OR4K1: variants seen among roughly 807,000 people sequenced by gnomAD.
OR4K1 encodes the protein olfactory receptor 4K1.
OR4K1 carries 16 observed loss-of-function variants against 14.4 expected under a neutral mutation model. The observed-to-expected ratio is 1.11, with a 90% confidence interval of 0.75 to 1.68. OR4K1 has a LOEUF of 1.68. OR4K1 is among the 40% of genes most tolerant of loss of function. The pLI, the probability that OR4K1 is intolerant of heterozygous loss-of-function variation, is 0.00. For synonymous variants in OR4K1, 181 were observed against 133.1 expected (o/e 1.36, Z -2.48); for missense variants, 548 against 376.9 (o/e 1.45, Z -3.76).
At chr14:19,925,444 A>T in the OR4K1 span, among the ~76,000 whole-genome samples, 1 of 152,278 alleles carries the variant, frequency 6.6e-6, no homozygotes, top group African/African-American at 2.4e-5. Context: ...CAATGAGTTA[A>T]TTAACATATT....
In OR4K1 at chr14:19,936,351, T is replaced by C; in HGVS notation, c.685T>C (p.Ser229Pro). 6.2e-7 allele frequency: 1 copy of C among 1,614,256 alleles called. No homozygotes were observed. The highest frequency in any genetic ancestry group is 8.5e-7 in the Non-Finnish European group (1 of 1,180,046). The change falls in exon 2 of 2, where the codon TCC becomes CCC. Residue 229 changes from serine (S) to proline (P), a missense_variant. By Grantham distance (74) the Ser-to-Pro change is moderately conservative. Coordinates refer to ENST00000641172, the MANE Select transcript of OR4K1 (RefSeq NM_001004063.3). ...TIILIGVRCR[S>P]SSGSSKALST... ...CATTTTGATCGGTGTCCGATGCAGGTCCTCCAGTGGGTCATCTAAGGCTCT... is the reference window on the plus strand; with the variant it reads ...CATTTTGATCGGTGTCCGATGCAGGCCCTCCAGTGGGTCATCTAAGGCTCT...
At chr14:19,933,365 T>C (rs1256166687) in intron 1 of OR4K1, among the ~76,000 whole-genome samples, 1 of 152,340 alleles carries the variant, frequency 6.6e-6, no homozygotes, top group East Asian at 1.9e-4. Flanking sequence ...TCTTTTTAAA[T>C]TCATAACTAT....
chr14:19,934,784 C>A (rs1882266757), intron 1 of OR4K1, among the ~76,000 whole-genome samples: 1 of 152,164 alleles, frequency 6.6e-6, no homozygotes, highest in Non-Finnish European at 1.5e-5. Flanking sequence ...AATTCTCCTG[C>A]CTCAGCCTCC....
At chr14:19,932,691 T>C (rs1401251739) in intron 1 of OR4K1, among the ~76,000 whole-genome samples, 1 of 152,226 alleles carries the variant, frequency 6.6e-6, no homozygotes, top group East Asian at 1.9e-4. Context: ...TTACTAGTAG[T>C]ATAAACTTGG....
the OR4K1 span, among the ~76,000 whole-genome samples, chr14:19,924,930 T>A: frequency 6.6e-6 from 1 of 152,122 alleles, no homozygotes; most frequent in Admixed American, 6.5e-5. Context: ...TACTGTAGAA[T>A]CCCACCTTAA....
Position 19,936,415 on chromosome 14 carries a change from T to C in OR4K1, c.749T>C (p.Phe250Ser). ...LTAHITVVILFFGPCIYFYIW... is the reference protein window; with the variant it reads ...LTAHITVVILSFGPCIYFYIW... The stretch of plus-strand genomic sequence containing the variant: ...GCCCACATCACAGTGGTCATTCTTT[T>C]CTTCGGGCCTTGCATTTATTTCTAT... The change falls in exon 2 of 2, where the codon TTC (phenylalanine) becomes TCC (serine). Residue 250 changes from phenylalanine to serine, a missense_variant. By Grantham distance (155) the Phe-to-Ser change is radical. Transcript: ENST00000641172. 6.2e-7 allele frequency: 1 copy of C among 1,614,198 alleles called. No individual in the cohort carries two copies. Among genetic ancestry groups the C allele is most frequent in the South Asian group, 1.1e-5 (1 of 91,088 alleles).
At chr14:19,924,400 C>CAAAAAAAAAAAAA in the OR4K1 span, among the ~76,000 whole-genome samples, 560 of 79,248 alleles carry the variant, frequency 7.1e-3, 3 homozygotes, top group Non-Finnish European at 8.6e-3. Context: ...AACTCCGTAT[C>CAAAAAAAAAAAAA]AAAAAAAAAA....
upstream of OR4K1, among the ~76,000 whole-genome samples, chr14:19,928,517 T>C (rs554907578): frequency 1.3e-5 from 2 of 152,080 alleles, no homozygotes; most frequent in African/African-American, 4.8e-5. Flanking sequence ...AATAGAAAGC[T>C]TTTTTTTAAA....
At chr14:19,930,303 T>G (rs908923731), upstream of OR4K1, among the ~76,000 whole-genome samples, 3 of 151,754 alleles carry the variant, frequency 2.0e-5, no homozygotes, top group Non-Finnish European at 4.4e-5. Context: ...TTACCTTCAA[T>G]TTTTTTACTT....
the OR4K1 span, chr14:19,921,304 T>A: frequency 5.0e-6 from 8 of 1,614,084 alleles, no homozygotes; most frequent in African/African-American, 6.7e-5. Context: ...TCAGCTGCAA[T>A]GGCAAAGGCA....
At position 19,936,159 on chromosome 14, in the gene OR4K1, G is replaced by A; in HGVS notation, c.493G>A (p.Asp165Asn). ...TGTGAGCCACTTGGCTTTTACAGTG[G>A]ACCTGCCATTCTGTGGTCCCAATGA... ...HSVSHLAFTV[D>N]LPFCGPNEVD... Residue 165 changes from aspartate (D) to asparagine (N), a missense_variant, in exon 2 of 2, where the codon GAC (aspartate) becomes AAC (asparagine). By Grantham distance (23) the Asp-to-Asn change is conservative. Coordinates refer to ENST00000641172, the MANE Select transcript of OR4K1 (RefSeq NM_001004063.3). The A allele has an allele frequency of 1.2e-6, 2 of 1,614,214 alleles. No homozygotes were observed. The highest frequency in any genetic ancestry group is 2.2e-5 in the South Asian group (2 of 91,086).
the OR4K1 span, among the ~76,000 whole-genome samples, chr14:19,923,265 C>T: frequency 0.75 from 114,225 of 151,556 alleles, 39,448 homozygotes; most frequent in East Asian, 0.81. Flanking sequence ...TTCGTTAATG[C>T]ATGTGTTTAG....
chr14:19,921,460 T>A, the OR4K1 span: 1 of 1,614,116 alleles, frequency 6.2e-7, no homozygotes. Context: ...CTAAACCCCA[T>A]TATTTATACA....
intron 1 of OR4K1, among the ~76,000 whole-genome samples, chr14:19,931,940 T>C (rs1882193717): frequency 6.6e-6 from 1 of 152,244 alleles, no homozygotes; most frequent in Non-Finnish European, 1.5e-5. Context: ...GATAATCCAG[T>C]TCTATCTTTT....
intron 1 of OR4K1, among the ~76,000 whole-genome samples, chr14:19,934,013 C>A (rs1284183772): frequency 6.6e-6 from 1 of 152,054 alleles, no homozygotes; most frequent in Non-Finnish European, 1.5e-5. Context: ...ACAGTTTAAA[C>A]ACTTTTTAAT....
intron 1 of OR4K1, among the ~76,000 whole-genome samples, chr14:19,931,754 A>G (rs1195314602): frequency 1.3e-5 from 2 of 152,176 alleles, no homozygotes; most frequent in Non-Finnish European, 2.9e-5. Flanking sequence ...GTATTTTGGG[A>G]TCTGAAAACA....
chr14:19,931,584 G>A (rs1213433319), intron 1 of OR4K1, among the ~76,000 whole-genome samples: 1 of 152,158 alleles, frequency 6.6e-6, no homozygotes, highest in African/African-American at 2.4e-5. Context: ...AGGCTTATAG[G>A]TAATCAAGTA....
the OR4K1 span, among the ~76,000 whole-genome samples, chr14:19,922,585 T>C: frequency 1.4e-5 from 2 of 144,476 alleles, no homozygotes; most frequent in Non-Finnish European, 1.6e-5. Context: ...TTTAGGCCTA[T>C]GGTATTTTTT....
chr14:19,928,951 G>C (rs550714323), upstream of OR4K1, among the ~76,000 whole-genome samples: 2 of 151,972 alleles, frequency 1.3e-5, no homozygotes, highest in African/African-American at 4.8e-5. Flanking sequence ...AATGTTGATT[G>C]TGGGTTTTTT....
Sources: allele counts gnomAD v4.1 joint callset (sites outside exome capture counted in the v4.1 genomes callset), GRCh38; gene constraint gnomAD v4.1.1; transcripts MANE v1.5; gene names NCBI Gene and HGNC (gene_info 2026-07-23, HGNC 2026-07-21).